The following WDR1 variants were observed in gnomAD, a reference collection of about 807,000 sequenced individuals.
WDR1 encodes the protein WD repeat domain 1, also known as WD repeat-containing protein 1.
A neutral mutation model predicts 71.9 loss-of-function variants in WDR1; 21 were observed. That is an observed-to-expected ratio of 0.29 (90% CI 0.21 to 0.42). The LOEUF is 0.42. WDR1 is among the 10% of genes least tolerant of loss of function. The pLI, the probability that WDR1 is intolerant of heterozygous loss-of-function variation, is 1.00. For missense variants in WDR1, 696 were observed against 824.5 expected (o/e 0.84, Z 1.91); for synonymous variants, 424 against 347.4 (o/e 1.22, Z -2.45).
chr4:10,096,079 A>C (rs1024751774), intron 5 of WDR1: 1 of 152,268 alleles, frequency 6.6e-6, no homozygotes, highest in African/African-American at 2.4e-5. Flanking sequence ...AAGCAAGCAC[A>C]CAGGGGCACA....
At chr4:10,075,875 A>G (rs1764781980) in intron 14 of WDR1, 1 of 208,688 alleles carries the variant, frequency 4.8e-6, no homozygotes, top group South Asian at 9.0e-5. Flanking sequence ...TGCCCTATTA[A>G]AATGGGGCAG....
intron 3 of WDR1, among the ~76,000 whole-genome samples, chr4:10,102,748 G>C (rs1360388116): frequency 1.3e-5 from 2 of 152,180 alleles, no homozygotes; most frequent in African/African-American, 4.8e-5. Flanking sequence ...GCACACGCAG[G>C]ATGGTACAAG....
intron 2 of WDR1, among the ~76,000 whole-genome samples, chr4:10,112,318 C>G (rs909990237): frequency 1.3e-5 from 2 of 152,134 alleles, no homozygotes; most frequent in African/African-American, 4.8e-5. Flanking sequence ...CCTTAGACCC[C>G]CGAAGCACAG....
Position 10,097,729 on chromosome 4 carries a change from C to G in WDR1, c.540G>C (p.Lys180Asn), listed in dbSNP as rs1330387493. The change falls in exon 5 of 15, where the codon AAG (lysine) becomes AAC (asparagine). Residue 180 changes from lysine (K) to asparagine (N), a missense_variant. By Grantham distance (94) the Lys-to-Asn change is moderately conservative. Coordinates refer to ENST00000499869, the MANE Select transcript of WDR1 (RefSeq NM_017491.5). Reference protein sequence around the residue: ...CAAFFEGPPFKFKFTIGDHSR... With the variant: ...CAAFFEGPPFNFKFTIGDHSR... ...CACTTACGCCAATTGTGAACTTGAA[C>G]TTGAATGGGGGTCCCTCAAAGAATG... 1.2e-6 allele frequency: 2 copies of G among 1,609,644 alleles called. No homozygotes were observed. Among genetic ancestry groups the G allele is most frequent in the Admixed American group, 1.7e-5 (1 of 59,542 alleles).
intron 11 of WDR1, among the ~76,000 whole-genome samples, chr4:10,079,616 C>T (rs111411642): frequency 7.2e-5 from 11 of 152,176 alleles, no homozygotes; most frequent in African/African-American, 2.2e-4. Context: ...TCAATTCTTC[C>T]GGTTCTAACT....
intron 11 of WDR1, 23 bp from the exon 12 acceptor site, chr4:10,079,024 G>T: frequency 6.4e-7 from 1 of 1,573,034 alleles, no homozygotes; most frequent in Non-Finnish European, 8.7e-7. Context: ...CAGGCAGCTG[G>T]TCAGGCGGTC....
chr4:10,113,450 C>T (rs1713514980), intron 2 of WDR1, among the ~76,000 whole-genome samples: 1 of 152,188 alleles, frequency 6.6e-6, no homozygotes, highest in Non-Finnish European at 1.5e-5. Context: ...CTAGCAGGTA[C>T]CAAGACAGAT....
chr4:10,114,517 C>T (rs1310776700), intron 2 of WDR1, among the ~76,000 whole-genome samples: 1 of 152,224 alleles, frequency 6.6e-6, no homozygotes, highest in Non-Finnish European at 1.5e-5. Context: ...GAGGCCCCCT[C>T]CCTGGAAGTC....
At chr4:10,086,353 T>A (rs1324964190) in intron 8 of WDR1, among the ~76,000 whole-genome samples, 1 of 152,168 alleles carries the variant, frequency 6.6e-6, no homozygotes, top group Non-Finnish European at 1.5e-5. Context: ...AGTGAACCTT[T>A]ATGGTTCAGC....
intron 2 of WDR1, among the ~76,000 whole-genome samples, chr4:10,104,839 G>C (rs923298918): frequency 6.6e-6 from 1 of 152,160 alleles, no homozygotes; most frequent in East Asian, 1.9e-4. Flanking sequence ...CTTTGAAAGA[G>C]GCAGCTTCCC....
At chr4:10,097,196 T>A (rs1160586836) in intron 5 of WDR1, among the ~76,000 whole-genome samples, 1 of 152,274 alleles carries the variant, frequency 6.6e-6, no homozygotes, top group East Asian at 1.9e-4. Flanking sequence ...TGCTGCCAGC[T>A]ACACCCAAAG....
chr4:10,107,529 C>T (rs1042963056), intron 2 of WDR1, among the ~76,000 whole-genome samples: 2 of 152,226 alleles, frequency 1.3e-5, no homozygotes, highest in Admixed American at 6.5e-5. Flanking sequence ...CTGACGTTGC[C>T]AGCCACTCCT....
At position 10,097,665 on chromosome 4, in the gene WDR1, C is replaced by G. The variant is rs1386807142; in HGVS notation, c.558+46G>C. On this transcript the variant is annotated intron_variant, in intron 5 of 14. Coordinates refer to ENST00000499869, the MANE Select transcript of WDR1 (RefSeq NM_017491.5). ...CTAAACAGGCTCAGCCTCTGCTAGC[C>G]TCATGTACAAACCACAAATTTCACC... 5.1e-6 allele frequency: 8 copies of G among 1,580,818 alleles called. No individual in the cohort carries two copies. The South Asian group carries it at 8.1e-5, about 16-fold the overall frequency.
intron 2 of WDR1, among the ~76,000 whole-genome samples, chr4:10,114,127 G>C (rs1713563154): frequency 6.6e-6 from 1 of 152,214 alleles, no homozygotes; most frequent in East Asian, 1.9e-4. Context: ...ACTAACAAGA[G>C]ACTCAGTGCC....
chr4:10,112,070 T>C (rs1713407881), intron 2 of WDR1, among the ~76,000 whole-genome samples: 5 of 152,118 alleles, frequency 3.3e-5, no homozygotes, highest in South Asian at 4.1e-4. Context: ...TTTTTTTTTT[T>C]CTTTTTCTAA....
rs114906583 is a variant in WDR1 at position 10,108,581 on chromosome 4, G to C, written c.139-4595C>G. Among the ~76,000 whole-genome samples, 634 of 152,288 alleles carry C rather than the reference G, an allele frequency of 4.2e-3. 7 individuals carry two copies. The highest frequency in any genetic ancestry group is 0.014 in the African/African-American group (594 of 41,546). ...GGCACTGGCTTTGTAAATACTCCAAGTTCCTGCAAGCAACAGAGGCTGAAA... is the reference window on the plus strand; with the variant it reads ...GGCACTGGCTTTGTAAATACTCCAACTTCCTGCAAGCAACAGAGGCTGAAA... On this transcript the variant is annotated intron_variant, in intron 2 of 14. Coordinates refer to ENST00000499869, the MANE Select transcript of WDR1 (RefSeq NM_017491.5).
chr4:10,097,820 T>A lies in WDR1; in HGVS notation c.449A>T (p.Asn150Ile). The change falls in exon 5 of 15, where the codon AAC becomes ATC. Residue 150 changes from asparagine (N) to isoleucine (I), a missense_variant. Physicochemically the swap from Asn to Ile is moderately radical, Grantham distance 149 (BLOSUM62 -3). Coordinates refer to ENST00000499869, the MANE Select transcript of WDR1 (RefSeq NM_017491.5). ...GEITGHNKVI[N>I]SVDIKQSRPY... ...CCGGCTCTGCTTGATGTCCACGCTG[T>A]TGATGACTTTGTTGTGTCCTGTAAT... The A allele has an allele frequency of 1.2e-6, 2 of 1,613,412 alleles. No homozygotes were observed. Among genetic ancestry groups the A allele is most frequent in the Non-Finnish European group, 1.7e-6 (2 of 1,179,790 alleles).
rs992724532 is a variant in WDR1, at chr4:10,107,966, C to T, written c.139-3980G>A. ...CACACTATGCTCAGGTCCCACCAGC[C>T]CCCACCTCCCACCTGTGCACTGAGG... On this transcript the variant is annotated intron_variant, in intron 2 of 14. Transcript: ENST00000499869. Among the ~76,000 whole-genome samples, 7 of 152,190 alleles carry T rather than the reference C, an allele frequency of 4.6e-5. No individual in the cohort carries two copies. The South Asian group carries it at 1.0e-3, about 22-fold the overall frequency.
At position 10,085,149 on chromosome 4, in the gene WDR1, C is replaced by T. The variant is rs559763721; in HGVS notation, c.952-619G>A. The stretch of plus-strand genomic sequence containing the variant: ...GCTGCTTCCAGAGGGCGGCGTTTAG[C>T]CCCCTCCATATCTGAGCCTGAGACA... On this transcript the variant is annotated intron_variant, in intron 8 of 14. Transcript: ENST00000499869. Among the ~76,000 whole-genome samples the T allele has an allele frequency of 2.0e-5, 3 of 152,356 alleles. No homozygotes were observed. The East Asian group carries it at 5.8e-4, about 29-fold the overall frequency.
Sources: allele counts gnomAD v4.1 joint callset (sites outside exome capture counted in the v4.1 genomes callset), GRCh38; gene constraint gnomAD v4.1.1; transcripts MANE v1.5; gene names NCBI Gene and HGNC (gene_info 2026-07-23, HGNC 2026-07-21).